The following RELN variants were observed in gnomAD, a reference collection of about 807,000 sequenced individuals.
RELN encodes the protein reelin.
A neutral mutation model predicts 427.6 loss-of-function variants in RELN; 108 were observed. That is an observed-to-expected ratio of 0.25 (90% CI 0.22 to 0.30). RELN has a LOEUF of 0.30. Among genes scored for constraint, RELN ranks in the 10% least tolerant of loss-of-function variants. The pLI is 1.00. For synonymous variants in RELN, 1,524 were observed against 1,513.4 expected (o/e 1.01, Z -0.16); for missense variants, 3,715 against 4,302.8 (o/e 0.86, Z 3.82).
At chr7:103,987,459 T>C (rs1797126356) in intron 1 of RELN, among the ~76,000 whole-genome samples, 1 of 152,190 alleles carries the variant, frequency 6.6e-6, no homozygotes. Context: ...GTTTTCAATA[T>C]CGAGACCTTC....
chr7:103,559,742 G>A (rs1471504818), intron 36 of RELN, among the ~76,000 whole-genome samples: 1 of 152,172 alleles, frequency 6.6e-6, no homozygotes. Flanking sequence ...GCCTGGCTAA[G>A]TGTTGGATTC....
At chr7:103,556,834 T>C (rs1390977963) in intron 38 of RELN, 143 bp downstream of exon 38, 4 of 774,200 alleles carry the variant, frequency 5.2e-6, no homozygotes, top group Admixed American at 1.8e-5. Context: ...ACTAATACAT[T>C]TGTCAAAAGT....
chr7:103,937,297 T>C (rs1234055080), intron 1 of RELN, among the ~76,000 whole-genome samples: 1 of 152,264 alleles, frequency 6.6e-6, no homozygotes, highest in Non-Finnish European at 1.5e-5. Flanking sequence ...GATTAGAGAC[T>C]GCAATTTGGA....
intron 3 of RELN, among the ~76,000 whole-genome samples, chr7:103,811,518 T>C (rs750141471): frequency 1.3e-5 from 2 of 152,148 alleles, no homozygotes; most frequent in Non-Finnish European, 2.9e-5. Flanking sequence ...TTAATGATAT[T>C]GATGAGATAG....
At chr7:103,474,904 A>C (rs564940652) in intron 64 of RELN, among the ~76,000 whole-genome samples, 1 of 152,192 alleles carries the variant, frequency 6.6e-6, no homozygotes, top group South Asian at 2.1e-4. Flanking sequence ...ACCTTCCTAC[A>C]CATACATGCA....
In RELN at chr7:103,989,386, C is replaced by CTT; in HGVS notation, c.-31_-30insAA. The CTT allele has an allele frequency of 5.6e-6, 8 of 1,429,250 alleles. No homozygotes were observed. The highest frequency in any genetic ancestry group is 7.3e-6 in the Non-Finnish European group (8 of 1,103,036). 88.5% of individuals were successfully genotyped at this position (1,429,250 alleles called of 1,614,324 possible). A position where few individuals can be genotyped will look rare whatever the true frequency, so the allele number is the denominator to read the frequency against. On this transcript the variant is annotated 5_prime_UTR_variant, in exon 1 of 65. Coordinates refer to ENST00000428762, the MANE Select transcript of RELN (RefSeq NM_005045.4). The surrounding 1 kb of genome is among the most constrained non-coding windows in gnomAD (Gnocchi z 4.9). ...CCGCCGCCGCCGCCGCCGCCGCGCG[C>CTT]CCTACGCGCCGCTCGCTCATTCAGT...
intron 16 of RELN, 41 bp downstream of exon 16, chr7:103,650,233 T>C (rs1242166615): frequency 8.5e-7 from 1 of 1,178,254 alleles, no homozygotes; most frequent in South Asian, 1.2e-5. Context: ...AGGAAGACTC[T>C]ACATCAATGG....
intron 7 of RELN, among the ~76,000 whole-genome samples, chr7:103,727,465 A>G (rs1241933297): frequency 4.6e-5 from 7 of 152,142 alleles, no homozygotes; most frequent in Non-Finnish European, 8.8e-5. Context: ...CAACCAAAAA[A>G]AGGCTCATTA....
intron 2 of RELN, among the ~76,000 whole-genome samples, chr7:103,880,504 T>TC (rs1319032286): frequency 6.6e-6 from 1 of 152,112 alleles, no homozygotes; most frequent in Non-Finnish European, 1.5e-5. Flanking sequence ...GAAGAGTCCC[T>TC]CCTTTGTCAT....
At chr7:103,621,006 A>G (rs1296068826) in intron 20 of RELN, among the ~76,000 whole-genome samples, 1 of 152,076 alleles carries the variant, frequency 6.6e-6, no homozygotes, top group African/African-American at 2.4e-5. Context: ...TTTCCTTCCA[A>G]CTCTGTGCAA....
chr7:103,535,804 TAC>T (rs945907953), intron 45 of RELN, among the ~76,000 whole-genome samples: 1 of 152,166 alleles, frequency 6.6e-6, no homozygotes, highest in Non-Finnish European at 1.5e-5. Context: ...CTGCTTCACA[TAC>T]AGTTACATTA....
At chr7:103,582,046 A>G (rs562886901) in intron 28 of RELN, among the ~76,000 whole-genome samples, 1 of 152,316 alleles carries the variant, frequency 6.6e-6, no homozygotes, top group South Asian at 2.1e-4. Context: ...TCTATTGAGG[A>G]ATCTCAACAA....
intron 10 of RELN, among the ~76,000 whole-genome samples, chr7:103,685,201 T>C (rs758038855): frequency 1.3e-5 from 2 of 152,162 alleles, no homozygotes; most frequent in Non-Finnish European, 2.9e-5. Flanking sequence ...GAAACATTCA[T>C]TGAAAGTATG....
At chr7:103,477,156 A>AT (rs1246585355) in intron 64 of RELN, among the ~76,000 whole-genome samples, 1 of 152,228 alleles carries the variant, frequency 6.6e-6, no homozygotes, top group African/African-American at 2.4e-5. Flanking sequence ...CTTAGATGGC[A>AT]TATAGAATTA....
chr7:103,784,848 A>G (rs1345919699), intron 3 of RELN, among the ~76,000 whole-genome samples: 3 of 152,142 alleles, frequency 2.0e-5, no homozygotes, highest in Non-Finnish European at 4.4e-5. Context: ...TTCCTTTTTA[A>G]TATTTTACCT....
intron 50 of RELN, 48 bp from the exon 51 acceptor site, chr7:103,511,053 C>T (rs372501961): frequency 3.4e-4 from 486 of 1,448,814 alleles, no homozygotes; most frequent in Admixed American, 4.0e-4. Flanking sequence ...GACAAAAATA[C>T]TTGAAGCAAA....
chr7:103,740,945 G>A (rs182988388), intron 6 of RELN, among the ~76,000 whole-genome samples: 179 of 152,242 alleles, frequency 1.2e-3, no homozygotes, highest in African/African-American at 4.1e-3. Context: ...TGGGAATTTG[G>A]CTAAATGCAG....
chr7:103,733,975 T>A (rs1174281357), intron 6 of RELN, among the ~76,000 whole-genome samples: 2 of 152,126 alleles, frequency 1.3e-5, no homozygotes, highest in African/African-American at 4.8e-5. Flanking sequence ...CCACAAGTAA[T>A]CTGAAATTCT....
At position 103,953,145 on chromosome 7, in the gene RELN, C is replaced by T. The variant is rs760363547; in HGVS notation, c.227-35960G>A. Among the ~76,000 whole-genome samples, 4 of 152,156 alleles carry T rather than the reference C, an allele frequency of 2.6e-5. No individual in the cohort carries two copies. Among genetic ancestry groups the T allele is most frequent in the Non-Finnish European group, 5.9e-5 (4 of 68,042 alleles). On this transcript the variant is annotated intron_variant, in intron 1 of 64. Coordinates refer to ENST00000428762, the MANE Select transcript of RELN (RefSeq NM_005045.4). This position sits in a 1 kb window ranked among gnomAD's most constrained non-coding sequence, Gnocchi z 4.3. Reference sequence around the variant, plus strand: ...CCTGCTCACTTCAAAGAGATATTTGCTCCAAGATCAGCACCACAGGGGAAA... The same window carrying T: ...CCTGCTCACTTCAAAGAGATATTTGTTCCAAGATCAGCACCACAGGGGAAA...
Sources: gnomAD v4.1 joint callset for allele counts (sites outside exome capture counted in the v4.1 genomes callset) on GRCh38, gnomAD v4.1.1 for gene constraint, Gnocchi (gnomAD v3.1) non-coding constraint, MANE v1.5 for transcripts, NCBI Gene and HGNC (gene_info 2026-07-23, HGNC 2026-07-21) for gene names.